Variants in FHL2 observed in about 807,000 individuals in gnomAD.
The protein encoded by FHL2 is four and a half LIM domains 2, also known as four and a half LIM domains protein 2.
A neutral mutation model predicts 32.7 loss-of-function variants in FHL2; 20 were observed. That is an observed-to-expected ratio of 0.61 (90% CI 0.43 to 0.89). The LOEUF (loss-of-function observed/expected upper bound fraction) is 0.89, where lower values mean the gene tolerates loss of function less well. FHL2 is among the 40% of genes least tolerant of loss of function. FHL2 has a pLI of 0.00. For missense variants in FHL2, 311 were observed against 358.6 expected, an observed-to-expected ratio of 0.87 and a Z score of 1.07; for synonymous variants, 123 against 128.1, an observed-to-expected ratio of 0.96 and a Z score of 0.27.
chr2:105,396,073 G>A (rs1299954089), intron 2 of FHL2, among the ~76,000 whole-genome samples: 4 of 152,190 alleles, frequency 2.6e-5, no homozygotes, highest in Admixed American at 2.6e-4. Flanking sequence ...GAGAATGACA[G>A]TTGGTGGGGA....
intron 1 of FHL2, among the ~76,000 whole-genome samples, chr2:105,430,362 C>T (rs929946181): frequency 6.6e-6 from 1 of 152,176 alleles, no homozygotes; most frequent in Non-Finnish European, 1.5e-5. Context: ...ACCACTCTTC[C>T]TCCAAAATAA....
intron 1 of FHL2, among the ~76,000 whole-genome samples, chr2:105,432,528 A>G (rs773980533): frequency 6.6e-5 from 10 of 152,090 alleles, no homozygotes; most frequent in Non-Finnish European, 1.2e-4. Context: ...GCAAAATATT[A>G]CAGTTTCCTA....
chr2:105,407,766 A>C (rs1209235677), intron 1 of FHL2, among the ~76,000 whole-genome samples: 1 of 152,040 alleles, frequency 6.6e-6, no homozygotes, highest in African/African-American at 2.4e-5. Context: ...TTTGCTAGTG[A>C]GGGGCTTCTT....
chr2:105,414,168 G>T lies in FHL2; in HGVS notation c.-25+24231C>A, dbSNP rs999811798. On this transcript the variant is annotated intron_variant, in intron 1 of 5. Coordinates refer to the FHL2 transcript ENST00000393352. The stretch of plus-strand genomic sequence containing the variant: ...CATGTATTATGAAGATATTGTGAGG[G>T]ATACAGAACAAAGCATGGGGAAAGA... 3.3e-5 allele frequency among the ~76,000 whole-genome samples: 5 copies of T among 152,280 alleles called. No individual in the cohort carries two copies. The East Asian group carries it at 5.8e-4, about 18-fold the overall frequency.
At chr2:105,438,391 G>A in intron 1 of FHL2, 2 of 985,600 alleles carry the variant, frequency 2.0e-6, no homozygotes, top group Non-Finnish European at 2.4e-6. Context: ...GGAACCAGTG[G>A]CCCTTACCTG....
At chr2:105,371,933 A>G (rs1296980941) in intron 4 of FHL2, among the ~76,000 whole-genome samples, 3 of 152,108 alleles carry the variant, frequency 2.0e-5, no homozygotes, top group Non-Finnish European at 4.4e-5. Flanking sequence ...GTCGCACAGC[A>G]CTGGGGCCCG....
Position 105,365,988 on chromosome 2 carries a change from T to C in FHL2, c.501+1582A>G, listed in dbSNP as rs571245102. ...GGGAGGTGGAGGCAGGTCGATCACC[T>C]GAGGTCAGGAGTTCCGAGATCAGCC... On this transcript the variant is annotated intron_variant, in intron 5 of 6. Transcript: ENST00000530340. 1.2e-3 allele frequency among the ~76,000 whole-genome samples: 187 copies of C among 152,198 alleles called. 2 individuals carry two copies. Among genetic ancestry groups the C allele is most frequent in the Middle Eastern group, 3.4e-3 (1 of 294 alleles).
chr2:105,395,724 T>C (rs1683077153), intron 2 of FHL2, among the ~76,000 whole-genome samples: 2 of 152,248 alleles, frequency 1.3e-5, no homozygotes, highest in South Asian at 4.1e-4. Context: ...ATTTACATAC[T>C]GCAAGGACAT....
At chr2:105,410,443 G>T (rs1218278219) in intron 1 of FHL2, among the ~76,000 whole-genome samples, 2 of 152,162 alleles carry the variant, frequency 1.3e-5, no homozygotes, top group African/African-American at 4.8e-5. Context: ...ATGTGAGCCT[G>T]TGTCAGGGGC....
chr2:105,417,093 G>A (rs77082916), intron 1 of FHL2, among the ~76,000 whole-genome samples: 4,249 of 152,292 alleles, frequency 0.028, 110 homozygotes, highest in African/African-American at 0.061. Flanking sequence ...CTAAAAAGAT[G>A]TGTGTTGCGG....
intron 3 of FHL2, chr2:105,377,907 G>A (rs1681593454): frequency 2.6e-6 from 1 of 385,554 alleles, no homozygotes; most frequent in Non-Finnish European, 5.3e-6. Context: ...CCAGGGAGGA[G>A]GCATTACGCC....
upstream of FHL2, chr2:105,399,426 C>T (rs1294004945): frequency 6.5e-7 from 1 of 1,536,066 alleles, no homozygotes; most frequent in South Asian, 1.2e-5. Flanking sequence ...CCGGGGGAGG[C>T]GGAGGGAGGA....
intron 1 of FHL2, among the ~76,000 whole-genome samples, chr2:105,436,886 G>T (rs7583367): frequency 0.35 from 52,824 of 152,006 alleles, 11,348 homozygotes; most frequent in Non-Finnish European, 0.47. Flanking sequence ...CTCTTTCTTT[G>T]GTGGGGAGAG....
intron 1 of FHL2, among the ~76,000 whole-genome samples, chr2:105,407,784 C>G (rs949521289): frequency 6.6e-6 from 1 of 152,064 alleles, no homozygotes; most frequent in Non-Finnish European, 1.5e-5. Context: ...CTTCTCCTGC[C>G]CCAATCCTCC....
At chr2:105,396,892 C>A in intron 1 of FHL2, 195 bp from the exon 2 acceptor site, 1 of 578,166 alleles carries the variant, frequency 1.7e-6, no homozygotes, top group Non-Finnish European at 3.0e-6. Flanking sequence ...GCATCTGAGT[C>A]AGAGAGCCGC....
intron 3 of FHL2, among the ~76,000 whole-genome samples, chr2:105,382,523 A>T (rs1035355228): frequency 6.6e-6 from 1 of 152,218 alleles, no homozygotes; most frequent in Admixed American, 6.5e-5. Flanking sequence ...ATGGAATGAA[A>T]AAAGTTCCTA....
chr2:105,368,469 C>T (rs1287567359), intron 4 of FHL2, among the ~76,000 whole-genome samples: 2 of 152,220 alleles, frequency 1.3e-5, no homozygotes, highest in Non-Finnish European at 2.9e-5. Flanking sequence ...GCTGGAACTA[C>T]AGGTGCACAC....
chr2:105,412,132 C>T (rs917493733), intron 1 of FHL2, among the ~76,000 whole-genome samples: 5 of 152,226 alleles, frequency 3.3e-5, no homozygotes, highest in African/African-American at 1.2e-4. Flanking sequence ...CCTGCACACT[C>T]ATGTTCATAG....
At chr2:105,359,307 A>G (rs1680129552), downstream of FHL2, 3 of 152,214 alleles carry the variant, frequency 2.0e-5, no homozygotes, top group South Asian at 6.2e-4. Context: ...TTACTTTTAT[A>G]TTATGAAGTA....
Sources: gnomAD v4.1 joint callset for allele counts (sites outside exome capture counted in the v4.1 genomes callset) on GRCh38, gnomAD v4.1.1 for gene constraint, MANE v1.5 for transcripts, NCBI Gene and HGNC (gene_info 2026-07-23, HGNC 2026-07-21) for gene names.